CUL3: variants seen among roughly 807,000 people sequenced by gnomAD.
The protein encoded by CUL3 is cullin 3, also known as cullin-3.
In CUL3, 19 loss-of-function variants were observed where a neutral mutation model predicts 89.1. The ratio of observed to expected loss-of-function variants is 0.21; its 90% CI spans 0.15 to 0.31. CUL3 has a LOEUF of 0.31. Among genes scored for constraint, CUL3 ranks in the 10% least tolerant of loss-of-function variants. The pLI is 1.00. For synonymous variants in CUL3, 351 were observed against 308.4 expected, an observed-to-expected ratio of 1.14 and a Z score of -1.45; for missense variants, 469 against 942.3, an observed-to-expected ratio of 0.50 and a Z score of 6.58.
At chr2:224,523,155 C>T (rs1318043622) in intron 3 of CUL3, among the ~76,000 whole-genome samples, 1 of 152,152 alleles carries the variant, frequency 6.6e-6, no homozygotes, top group East Asian at 1.9e-4. Flanking sequence ...GTTAAGAGCA[C>T]TGATTCAAGA....
chr2:224,503,851 T>C (rs778630287), intron 8 of CUL3, 29 bp from the exon 9 acceptor site: 13 of 1,493,800 alleles, frequency 8.7e-6, no homozygotes, highest in Admixed American at 4.9e-5. Flanking sequence ...GTAACAATTA[T>C]ACAATTTTAG....
At chr2:224,520,417 A>AACTTCATTTGTAACATAAGC (rs1410697260) in intron 3 of CUL3, among the ~76,000 whole-genome samples, 1 of 152,220 alleles carries the variant, frequency 6.6e-6, no homozygotes, top group African/African-American at 2.4e-5. Flanking sequence ...TTGATAAACC[A>AACTTCATTTGTAACATAAGC]ACTTCATTTG....
intron 8 of CUL3, among the ~76,000 whole-genome samples, chr2:224,504,877 G>A (rs1692532177): frequency 6.6e-6 from 1 of 152,016 alleles, no homozygotes; most frequent in Non-Finnish European, 1.5e-5. Context: ...CTATGCTGTC[G>A]TGAGCTCCTC....
At chr2:224,507,139 T>A in intron 6 of CUL3, 136 bp from the exon 7 acceptor site, 5 of 608,892 alleles carry the variant, frequency 8.2e-6, no homozygotes. Flanking sequence ...ATTAAAAATA[T>A]ACATATATTG....
At chr2:224,540,696 A>T (rs1001811876) in intron 2 of CUL3, among the ~76,000 whole-genome samples, 1 of 152,156 alleles carries the variant, frequency 6.6e-6, no homozygotes, top group African/African-American at 2.4e-5. Flanking sequence ...TAAAAAACAA[A>T]CAAAAAAACC....
At chr2:224,483,308 G>A (rs1360581025) in intron 13 of CUL3, among the ~76,000 whole-genome samples, 1 of 152,044 alleles carries the variant, frequency 6.6e-6, no homozygotes, top group Non-Finnish European at 1.5e-5. Flanking sequence ...CATCCCAAGA[G>A]GTAACTATTA....
intron 15 of CUL3, among the ~76,000 whole-genome samples, chr2:224,475,207 C>T (rs949596980): frequency 4.6e-5 from 7 of 152,028 alleles, no homozygotes; most frequent in South Asian, 2.1e-4. Context: ...TTAGTAGAGA[C>T]GGGGTTTCAT....
At chr2:224,476,756 C>G (rs1691337260) in intron 15 of CUL3, among the ~76,000 whole-genome samples, 1 of 152,158 alleles carries the variant, frequency 6.6e-6, no homozygotes, top group Non-Finnish European at 1.5e-5. Context: ...TTTATCCCTT[C>G]ATCTCATTTT....
chr2:224,539,165 C>T (rs1694002459), intron 2 of CUL3, among the ~76,000 whole-genome samples: 1 of 152,182 alleles, frequency 6.6e-6, no homozygotes, highest in East Asian at 1.9e-4. Context: ...AAGATCTTGA[C>T]AGACACCTAA....
In CUL3 at chr2:224,513,634, C is replaced by T. The variant is rs1464886189; in HGVS notation, c.544G>A (p.Ala182Thr). 5 of 1,572,998 alleles carry T rather than the reference C, an allele frequency of 3.2e-6. No homozygotes were observed. In the African/African-American group the frequency reaches 4.2e-5, roughly 13 times the overall value. The change falls in exon 5 of 16, where the codon GCA (alanine) becomes ACA (threonine). Residue 182 changes from alanine (A) to threonine (T), a missense_variant. Around this residue, in one of 4 missense-constraint regions of CUL3, gnomAD observed 370 missense variants for 733.2 expected, o/e 0.50. Coordinates refer to ENST00000264414, the MANE Select transcript of CUL3 (RefSeq NM_003590.5). ...ERKGEVVDRG[A>T]IRNACQMLMI... Reference sequence around the variant, plus strand: ...AACATCTGGCAAGCATTTCTTATTGCGCCTCTGTCGAAAAAAGTTATTATC... The same window carrying T: ...AACATCTGGCAAGCATTTCTTATTGTGCCTCTGTCGAAAAAAGTTATTATC...
chr2:224,490,710 GAAAA>G (rs5839067), intron 13 of CUL3, among the ~76,000 whole-genome samples: 1 of 142,768 alleles, frequency 7.0e-6, no homozygotes, highest in Non-Finnish European at 1.5e-5. Context: ...GAGCTTTAAA[GAAAA>G]AAAAAAAAAA....
At chr2:224,536,903 A>T (rs1257287459) in intron 2 of CUL3, among the ~76,000 whole-genome samples, 1 of 152,216 alleles carries the variant, frequency 6.6e-6, no homozygotes, top group Non-Finnish European at 1.5e-5. Flanking sequence ...TTCCTGTAAC[A>T]CTTTGGGACT....
chr2:224,567,648 G>A (rs1695076368), intron 1 of CUL3, among the ~76,000 whole-genome samples: 1 of 151,964 alleles, frequency 6.6e-6, no homozygotes, highest in South Asian at 2.1e-4. Context: ...GCTGAGGCAG[G>A]AGAATGGCGT....
chr2:224,503,591 A>G (rs2106196053), intron 9 of CUL3, 61 bp downstream of exon 9: 1 of 1,294,546 alleles, frequency 7.7e-7, no homozygotes, highest in Non-Finnish European at 1.0e-6. Flanking sequence ...TCACGTTGTC[A>G]GTACACAATC....
At chr2:224,487,988 T>G (rs1336633621) in intron 13 of CUL3, among the ~76,000 whole-genome samples, 1 of 152,196 alleles carries the variant, frequency 6.6e-6, no homozygotes, top group African/African-American at 2.4e-5. Flanking sequence ...AACCTGTTCC[T>G]GAATGACTAG....
intron 1 of CUL3, among the ~76,000 whole-genome samples, chr2:224,578,648 A>C (rs969863659): frequency 6.6e-5 from 10 of 152,134 alleles, no homozygotes; most frequent in Admixed American, 2.6e-4. Context: ...GTGTTAACTC[A>C]GTGATTTGTT....
intron 1 of CUL3, 39 bp from the exon 2 acceptor site, chr2:224,557,895 A>AAAAAAAAAAAAAAC: frequency 8.7e-7 from 1 of 1,152,460 alleles, no homozygotes; most frequent in South Asian, 1.4e-5. Context: ...AAAAAAAAAA[A>AAAAAAAAAAAAAAC]AAAAAAAAAA....
In CUL3 at chr2:224,474,133, G is replaced by T; in HGVS notation, c.*112C>A. 2 of 1,113,208 alleles carry T rather than the reference G, an allele frequency of 1.8e-6. No individual in the cohort carries two copies. Among genetic ancestry groups the T allele is most frequent in the Non-Finnish European group, 2.5e-6 (2 of 784,988 alleles). 69.0% of individuals were successfully genotyped at this position (1,113,208 alleles called of 1,614,324 possible). On this transcript the variant is annotated 3_prime_UTR_variant, in exon 16 of 16. Transcript: ENST00000264414. Reference sequence around the variant, plus strand: ...GCTTGATCTCAATGGTCTAGAACATGTACTGTAATTTAATAGAAGAGATGG... The same window carrying T: ...GCTTGATCTCAATGGTCTAGAACATTTACTGTAATTTAATAGAAGAGATGG...
At chr2:224,569,412 A>G (rs540411570) in intron 1 of CUL3, among the ~76,000 whole-genome samples, 3 of 152,338 alleles carry the variant, frequency 2.0e-5, no homozygotes, top group Non-Finnish European at 4.4e-5. Context: ...TAAAGGAAAA[A>G]TATAATTAAG....
Sources: allele counts gnomAD v4.1 joint callset (sites outside exome capture counted in the v4.1 genomes callset), GRCh38; gene constraint gnomAD v4.1.1; regional missense constraint gnomAD v4.1.1; transcripts MANE v1.5; gene names NCBI Gene and HGNC (gene_info 2026-07-23, HGNC 2026-07-21).